The following IGF2BP2 variants were observed in gnomAD, a reference collection of about 807,000 sequenced individuals.
The protein encoded by IGF2BP2 is insulin-like growth factor 2 mRNA-binding protein 2.
IGF2BP2 carries 17 observed loss-of-function variants against 75.8 expected under a neutral mutation model. The ratio of observed to expected loss-of-function variants is 0.22; its 90% CI spans 0.15 to 0.34. The LOEUF is 0.34. Ranked by LOEUF, IGF2BP2 falls within the 10% of genes least tolerant of loss-of-function variation. IGF2BP2 has a pLI of 1.00. For synonymous variants in IGF2BP2, 288 were observed against 295.6 expected, an observed-to-expected ratio of 0.97 and a Z score of 0.26; for missense variants, 516 against 772.4, an observed-to-expected ratio of 0.67 and a Z score of 3.93.
intron 2 of IGF2BP2, among the ~76,000 whole-genome samples, chr3:185,707,938 T>C (rs181888810): frequency 1.3e-5 from 2 of 152,310 alleles, no homozygotes; most frequent in East Asian, 3.9e-4. Context: ...CTTTTCCCCG[T>C]TTCTCAATTT....
At chr3:185,693,001 A>C (rs971272121) in intron 4 of IGF2BP2, among the ~76,000 whole-genome samples, 2 of 152,202 alleles carry the variant, frequency 1.3e-5, no homozygotes, top group African/African-American at 4.8e-5. Flanking sequence ...ATATTTTATA[A>C]ACACTTTTAT....
intron 10 of IGF2BP2, among the ~76,000 whole-genome samples, chr3:185,669,467 T>C (rs1718177805): frequency 6.7e-6 from 1 of 149,340 alleles, no homozygotes; most frequent in Non-Finnish European, 1.5e-5. Flanking sequence ...TTTTTTAGGA[T>C]CAGAGAAATG....
intron 2 of IGF2BP2, among the ~76,000 whole-genome samples, chr3:185,801,909 C>A (rs1738340747): frequency 6.6e-6 from 1 of 152,014 alleles, no homozygotes. Context: ...GGCAAACTAA[C>A]ACAGGACCAG....
chr3:185,822,524 C>T (rs1741495997), intron 2 of IGF2BP2, among the ~76,000 whole-genome samples: 1 of 152,172 alleles, frequency 6.6e-6, no homozygotes, highest in African/African-American at 2.4e-5. Context: ...ATAGATTTCA[C>T]AAGGGTATTT....
chr3:185,786,140 T>C lies in IGF2BP2; in HGVS notation c.239+37013A>G, dbSNP rs141308306. 1.7e-4 allele frequency among the ~76,000 whole-genome samples: 26 copies of C among 152,130 alleles called. No homozygotes were observed. In the East Asian group the frequency reaches 5.0e-3, roughly 29 times the overall value. ...CACTACCCCCGCCAAGAAATTTTAATACCAAAGATAAACTATGTATCTGTT... is the reference window on the plus strand; with the variant it reads ...CACTACCCCCGCCAAGAAATTTTAACACCAAAGATAAACTATGTATCTGTT... On this transcript the variant is annotated intron_variant, in intron 2 of 15. Coordinates refer to ENST00000382199, the MANE Select transcript of IGF2BP2 (RefSeq NM_006548.6).
At chr3:185,764,037 G>C (rs1296395709) in intron 2 of IGF2BP2, among the ~76,000 whole-genome samples, 1 of 152,148 alleles carries the variant, frequency 6.6e-6, no homozygotes, top group East Asian at 1.9e-4. Context: ...CCAAAACCTT[G>C]AATGTCATAG....
At chr3:185,713,417 G>A (rs371753103) in intron 2 of IGF2BP2, 25 of 519,874 alleles carry the variant, frequency 4.8e-5, no homozygotes, top group Admixed American at 5.8e-5. Flanking sequence ...AGCAGTGGGC[G>A]GCTTGGTTTA....
At chr3:185,774,775 G>GGGCAGATCACAAGGTCAC (rs1255758912) in intron 2 of IGF2BP2, among the ~76,000 whole-genome samples, 1 of 151,970 alleles carries the variant, frequency 6.6e-6, no homozygotes, top group Non-Finnish European at 1.5e-5. Flanking sequence ...AGACCAAGGT[G>GGGCAGATCACAAGGTCAC]GGCAGATCAC....
At chr3:185,814,878 C>T (rs1389406553) in intron 2 of IGF2BP2, among the ~76,000 whole-genome samples, 1 of 152,074 alleles carries the variant, frequency 6.6e-6, no homozygotes, top group Non-Finnish European at 1.5e-5. Context: ...TTAAAATGTT[C>T]TGTTAATAAG....
At chr3:185,759,282 G>A (rs1381437418) in intron 2 of IGF2BP2, among the ~76,000 whole-genome samples, 1 of 152,176 alleles carries the variant, frequency 6.6e-6, no homozygotes, top group Non-Finnish European at 1.5e-5. Flanking sequence ...TGAACCAGAA[G>A]CTGGCATTCA....
chr3:185,757,824 T>C (rs1170864024), intron 2 of IGF2BP2, among the ~76,000 whole-genome samples: 5 of 152,344 alleles, frequency 3.3e-5, no homozygotes, highest in East Asian at 3.9e-4. Context: ...GCCAGGCACA[T>C]AGCAAATGCT....
chr3:185,713,528 G>A (rs1341984371), intron 2 of IGF2BP2: 1 of 519,000 alleles, frequency 1.9e-6, no homozygotes, highest in South Asian at 1.4e-5. Flanking sequence ...TTTGAGGGGA[G>A]TGGGGAGTGC....
intron 2 of IGF2BP2, chr3:185,729,806 G>C (rs950376448): frequency 3.3e-5 from 5 of 152,144 alleles, no homozygotes; most frequent in Non-Finnish European, 7.3e-5. Context: ...GATGAACCCA[G>C]ATTTCCTTCA....
rs1190099862 is a variant in IGF2BP2 at position 185,707,743 on chromosome 3, CA to C, written c.240-9397del. Among the ~76,000 whole-genome samples the C allele has an allele frequency of 2.6e-5, 4 of 152,146 alleles. No individual in the cohort carries two copies. The East Asian group carries it at 7.7e-4, about 29-fold the overall frequency. On this transcript the variant is annotated intron_variant, in intron 2 of 15. Transcript: ENST00000382199. The stretch of plus-strand genomic sequence containing the variant: ...ACCTCTTTCGGAAATCAAACAAAAA[CA>C]AAAACCCTAACACAAAAAAATGGTG...
rs538272360 is a variant in IGF2BP2, at chr3:185,673,687, A to G, written c.1072-1018T>C. ...CATTTTCTAATCTTTGTCTACATTC[A>G]CACTGTAACTTGCCTTTTTCTTTTT... is the stretch of plus-strand genomic sequence containing the variant. On this transcript the variant is annotated intron_variant, in intron 9 of 15. Coordinates refer to ENST00000382199, the MANE Select transcript of IGF2BP2 (RefSeq NM_006548.6). 6.3e-4 allele frequency among the ~76,000 whole-genome samples: 96 copies of G among 152,254 alleles called. 1 individual carries two copies. Among genetic ancestry groups the G allele is most frequent in the South Asian group, 2.5e-3 (12 of 4,830 alleles).
rs1261535021 is a variant in IGF2BP2 at position 185,649,400 on chromosome 3, T to TA, written c.1593+2dup. 1 of 1,612,816 alleles carries TA rather than the reference T, an allele frequency of 6.2e-7. No homozygotes were observed. Among genetic ancestry groups the TA allele is most frequent in the Non-Finnish European group, 8.5e-7 (1 of 1,179,888 alleles). On this transcript the variant is annotated splice_region_variant and intron_variant, in intron 14 of 15. Transcript: ENST00000382199. ...TGATGAAGCGAGCCCGGAGCACACT[T>TA]ACGGTCTTGCCACCTTTGCCAATCA...
chr3:185,816,253 G>A (rs1740589719), intron 2 of IGF2BP2, among the ~76,000 whole-genome samples: 1 of 152,140 alleles, frequency 6.6e-6, no homozygotes, highest in South Asian at 2.1e-4. Flanking sequence ...GAACACAACT[G>A]CCGAAAAAAG....
At chr3:185,716,517 G>A (rs537427170) in intron 2 of IGF2BP2, 4 of 520,134 alleles carry the variant, frequency 7.7e-6, no homozygotes, top group Admixed American at 5.8e-5. Flanking sequence ...GGGGAAGTGG[G>A]CTGCTTTATC....
intron 2 of IGF2BP2, among the ~76,000 whole-genome samples, chr3:185,736,255 G>C (rs1239150349): frequency 6.6e-6 from 1 of 152,154 alleles, no homozygotes; most frequent in Non-Finnish European, 1.5e-5. Flanking sequence ...CTTTCACAGG[G>C]TCTGAGTGCC....
Sources: gnomAD v4.1 joint callset for allele counts (sites outside exome capture counted in the v4.1 genomes callset) on GRCh38, gnomAD v4.1.1 for gene constraint, MANE v1.5 for transcripts, NCBI Gene and HGNC (gene_info 2026-07-23, HGNC 2026-07-21) for gene names.